TRAPPC9: variants seen among roughly 807,000 people sequenced by gnomAD.
TRAPPC9 encodes the protein IKK2 binding protein.
A neutral mutation model predicts 124.0 loss-of-function variants in TRAPPC9; 83 were observed. That is an observed-to-expected ratio of 0.67 (90% CI 0.56 to 0.80). TRAPPC9 has a LOEUF of 0.80. TRAPPC9 is among the 30% of genes least tolerant of loss of function. TRAPPC9 has a pLI of 0.00. For missense variants in TRAPPC9, 1,302 were observed against 1,508.3 expected, an observed-to-expected ratio of 0.86 and a Z score of 2.27; for synonymous variants, 638 against 617.5, an observed-to-expected ratio of 1.03 and a Z score of -0.49.
intron 15 of TRAPPC9, among the ~76,000 whole-genome samples, chr8:140,273,379 G>A (rs755046543): frequency 5.9e-5 from 9 of 152,194 alleles, no homozygotes; most frequent in East Asian, 1.9e-4. Flanking sequence ...GCCTGGCCCC[G>A]GAGTGACACA....
At chr8:140,222,040 G>A (rs1246402981) in intron 16 of TRAPPC9, among the ~76,000 whole-genome samples, 2 of 152,168 alleles carry the variant, frequency 1.3e-5, no homozygotes, top group East Asian at 3.9e-4. Flanking sequence ...AAAAAGGACA[G>A]CTCCTTACCA....
At chr8:140,090,155 T>C (rs955603501) in intron 17 of TRAPPC9, among the ~76,000 whole-genome samples, 1 of 152,182 alleles carries the variant, frequency 6.6e-6, no homozygotes, top group Non-Finnish European at 1.5e-5. Flanking sequence ...ACTGTGACTA[T>C]GTTGGTCTCC....
intron 21 of TRAPPC9, among the ~76,000 whole-genome samples, chr8:139,884,277 A>G (rs1264137478): frequency 6.6e-6 from 1 of 151,896 alleles, no homozygotes; most frequent in African/African-American, 2.4e-5. Flanking sequence ...TTGTACCATC[A>G]GAACCTCTCC....
At chr8:140,153,912 CT>C (rs1587819424) in intron 17 of TRAPPC9, among the ~76,000 whole-genome samples, 1 of 152,144 alleles carries the variant, frequency 6.6e-6, no homozygotes, top group East Asian at 1.9e-4. Context: ...TCATTCAAGC[CT>C]TCTACGTTTG....
At chr8:140,453,900 G>A (rs2071557332) in intron 1 of TRAPPC9, among the ~76,000 whole-genome samples, 1 of 152,180 alleles carries the variant, frequency 6.6e-6, no homozygotes, top group Admixed American at 6.6e-5. Flanking sequence ...TCAAAAGTAG[G>A]CACAGGTTTA....
rs1056814944 is a variant in TRAPPC9 at position 140,165,822 on chromosome 8, G to A, written c.2556+55637C>T. On this transcript the variant is annotated intron_variant, in intron 17 of 22. Transcript: ENST00000438773. ...CCCAGGTTATCAGCCACTCTATCCT[G>A]GTGCCTCTGCCTACCTCCCCAGAAT... Among the ~76,000 whole-genome samples, 3 of 152,042 alleles carry A rather than the reference G, an allele frequency of 2.0e-5. No homozygotes were observed. The East Asian group carries it at 5.8e-4, about 29-fold the overall frequency.
At position 139,761,685 on chromosome 8, in the gene TRAPPC9, C is replaced by T. The variant is rs577213352; in HGVS notation, c.3056-29483G>A. Among the ~76,000 whole-genome samples, 3 of 152,184 alleles carry T rather than the reference C, an allele frequency of 2.0e-5. No homozygotes were observed. In the East Asian group the frequency reaches 5.9e-4, roughly 30 times the overall value. ...CCTTGCCCCATCCTCCACTTCCTGG[C>T]TCCAGGTGCTGGGTCACCCCCCTCA... On this transcript the variant is annotated intron_variant, in intron 21 of 22. Transcript: ENST00000438773.
chr8:140,300,220 T>C (rs1292147390), intron 11 of TRAPPC9, among the ~76,000 whole-genome samples: 1 of 151,920 alleles, frequency 6.6e-6, no homozygotes, highest in East Asian at 1.9e-4. Context: ...TGGACACATG[T>C]AAACACACAT....
rs545022093 is a variant in TRAPPC9, at chr8:140,171,706, C to T, written c.2556+49753G>A. Among the ~76,000 whole-genome samples the T allele has an allele frequency of 3.2e-4, 48 of 152,208 alleles. 1 individual carries two copies. In the South Asian group the frequency reaches 9.5e-3, roughly 30 times the overall value. On this transcript the variant is annotated intron_variant, in intron 17 of 22. Transcript: ENST00000438773. Reference sequence around the variant, plus strand: ...GTGCATCTGAGGGGGACAAAGGGACCCCGTGGACCCGTAGGAGGAAAAAAT... The same window carrying T: ...GTGCATCTGAGGGGGACAAAGGGACTCCGTGGACCCGTAGGAGGAAAAAAT...
chr8:140,082,367 C>G (rs558830798), intron 17 of TRAPPC9, among the ~76,000 whole-genome samples: 1 of 151,580 alleles, frequency 6.6e-6, no homozygotes, highest in African/African-American at 2.4e-5. Flanking sequence ...TTTTTTTCCT[C>G]GACACAAATA....
rs565392210 is a variant in TRAPPC9, at chr8:140,006,240, A to C, written c.2700-17404T>G. 1.1e-4 allele frequency among the ~76,000 whole-genome samples: 16 copies of C among 152,350 alleles called. No individual in the cohort carries two copies. In the East Asian group the frequency reaches 3.1e-3, roughly 29 times the overall value. ...GAAGCTTTACATTATTGAAGACAGT[A>C]AGGATAACTGTTTCTAATTTTTTAA... On this transcript the variant is annotated intron_variant, in intron 18 of 22. Transcript: ENST00000438773.
At chr8:140,013,053 C>A (rs1004445794) in intron 18 of TRAPPC9, among the ~76,000 whole-genome samples, 1 of 152,176 alleles carries the variant, frequency 6.6e-6, no homozygotes, top group Non-Finnish European at 1.5e-5. Context: ...CAGGGCTGAG[C>A]GGGCCACACA....
Position 140,231,475 on chromosome 8 carries a change from C to T in TRAPPC9, c.2432-9892G>A, listed in dbSNP as rs143918671. Among the ~76,000 whole-genome samples, 74 of 138,728 alleles carry T rather than the reference C, an allele frequency of 5.3e-4. No individual in the cohort carries two copies. The East Asian group carries it at 0.011, about 20-fold the overall frequency. 91.0% of individuals were successfully genotyped at this position (138,728 alleles called of 152,430 possible). ...TTTTAAAACTGCTAGTAAATCACTG[C>T]CTTTTCTTTTTTTTTTTTTTTTTTT... On this transcript the variant is annotated intron_variant, in intron 16 of 22. Transcript: ENST00000438773.
Position 140,043,843 on chromosome 8 carries a change from T to A in TRAPPC9, c.2557-19764A>T, listed in dbSNP as rs1237561163. Among the ~76,000 whole-genome samples, 4 of 152,184 alleles carry A rather than the reference T, an allele frequency of 2.6e-5. No homozygotes were observed. The East Asian group carries it at 7.7e-4, about 29-fold the overall frequency. On this transcript the variant is annotated intron_variant, in intron 17 of 22. Transcript: ENST00000438773. ...AATTAGTGAGATGGGGAAAGCATGG[T>A]GACGTGGGCCCCAGTCCTTCCCTCT...
rs140596283 is a variant in TRAPPC9 at position 139,982,203 on chromosome 8, A to C, written c.2810+6523T>G. 2.4e-3 allele frequency among the ~76,000 whole-genome samples: 368 copies of C among 152,262 alleles called. 2 individuals are homozygous for C. The highest frequency in any genetic ancestry group is 8.3e-3 in the African/African-American group (346 of 41,536). On this transcript the variant is annotated intron_variant, in intron 19 of 22. Coordinates refer to ENST00000438773, the MANE Select transcript of TRAPPC9 (RefSeq NM_001160372.4). ...GTTCATGCGGTTTCACTAAGGAGAGACATCCACTGTTTCCGGTTGTGCATG... is the reference window on the plus strand; with the variant it reads ...GTTCATGCGGTTTCACTAAGGAGAGCCATCCACTGTTTCCGGTTGTGCATG...
intron 17 of TRAPPC9, among the ~76,000 whole-genome samples, chr8:140,089,232 C>CT (rs1402051893): frequency 6.6e-6 from 1 of 152,092 alleles, no homozygotes; most frequent in African/African-American, 2.4e-5. Context: ...CCTCTTCCCC[C>CT]CCGAGTGTTC....
intron 7 of TRAPPC9, among the ~76,000 whole-genome samples, chr8:140,391,025 G>A (rs994958247): frequency 2.0e-5 from 3 of 152,128 alleles, no homozygotes; most frequent in Non-Finnish European, 4.4e-5. Context: ...AAAGTTTGAG[G>A]TTGCAATTAT....
chr8:140,061,567 G>A (rs921408856), intron 17 of TRAPPC9, among the ~76,000 whole-genome samples: 2 of 152,160 alleles, frequency 1.3e-5, no homozygotes, highest in Non-Finnish European at 1.5e-5. Context: ...AAGGAGAGGC[G>A]CCCTGTCCAG....
At chr8:140,249,505 AT>A (rs2064074514) in intron 16 of TRAPPC9, among the ~76,000 whole-genome samples, 1 of 150,360 alleles carries the variant, frequency 6.7e-6, no homozygotes, top group South Asian at 2.1e-4. Flanking sequence ...ATAATTTGAC[AT>A]TTTTACTTTA....
Sources: allele counts gnomAD v4.1 joint callset (sites outside exome capture counted in the v4.1 genomes callset), GRCh38; gene constraint gnomAD v4.1.1; transcripts MANE v1.5; gene names NCBI Gene and HGNC (gene_info 2026-07-23, HGNC 2026-07-21).